Variants in FRMD5 observed in about 807,000 individuals in gnomAD.
The protein encoded by FRMD5 is FERM domain-containing protein 5.
In FRMD5, 20 loss-of-function variants were observed where a neutral mutation model predicts 69.0. That is an observed-to-expected ratio of 0.29 (90% CI 0.20 to 0.42). The LOEUF (loss-of-function observed/expected upper bound fraction) is 0.42. FRMD5 is among the 10% of genes least tolerant of loss of function. The pLI, the probability that FRMD5 is intolerant of heterozygous loss-of-function variation, is 1.00. For synonymous variants in FRMD5, 271 were observed against 260.1 expected, an observed-to-expected ratio of 1.04 and a Z score of -0.40; for missense variants, 595 against 708.6, an observed-to-expected ratio of 0.84 and a Z score of 1.82.
At chr15:43,990,001 T>G in intron 1 of FRMD5, 1 of 957,464 alleles carries the variant, frequency 1.0e-6, no homozygotes, top group South Asian at 1.3e-5. Context: ...GATGCCTCTC[T>G]TGCTCTGGAC....
At chr15:43,874,816 C>G (rs1286555235) in intron 13 of FRMD5, among the ~76,000 whole-genome samples, 1 of 152,006 alleles carries the variant, frequency 6.6e-6, no homozygotes, top group Non-Finnish European at 1.5e-5. Flanking sequence ...AGGAGAATCG[C>G]TTGAACCCGG....
At chr15:44,112,519 T>C (rs894391230) in intron 1 of FRMD5, among the ~76,000 whole-genome samples, 1 of 150,670 alleles carries the variant, frequency 6.6e-6, no homozygotes, top group Non-Finnish European at 1.5e-5. Context: ...CAGGCTGGAG[T>C]GCAGTGGCAC....
chr15:44,152,747 T>A (rs1256714227), intron 1 of FRMD5, among the ~76,000 whole-genome samples: 1 of 152,212 alleles, frequency 6.6e-6, no homozygotes, highest in African/African-American at 2.4e-5. Context: ...CTGGAGATAG[T>A]CTTTTGTGAA....
At chr15:43,876,729 T>C (rs2088369610) in intron 13 of FRMD5, among the ~76,000 whole-genome samples, 6 of 152,240 alleles carry the variant, frequency 3.9e-5, no homozygotes, top group Admixed American at 3.9e-4. Flanking sequence ...AGAAACTCTC[T>C]CTGCTCTTCT....
At chr15:43,960,669 C>T (rs1463165211) in intron 1 of FRMD5, among the ~76,000 whole-genome samples, 3 of 152,204 alleles carry the variant, frequency 2.0e-5, no homozygotes, top group Non-Finnish European at 4.4e-5. Flanking sequence ...CAGGCGTGAG[C>T]CACCGTGCCT....
chr15:44,186,217 G>A (rs1368492803), intron 1 of FRMD5, among the ~76,000 whole-genome samples: 7 of 152,112 alleles, frequency 4.6e-5, no homozygotes, highest in Non-Finnish European at 7.4e-5. Flanking sequence ...GTGAGCCACC[G>A]CACCCGGCCT....
chr15:44,029,452 C>T (rs1362381437), intron 1 of FRMD5, among the ~76,000 whole-genome samples: 1 of 152,208 alleles, frequency 6.6e-6, no homozygotes, highest in Non-Finnish European at 1.5e-5. Flanking sequence ...TTAGCAGCAA[C>T]TTTATTTTAC....
chr15:43,959,257 A>G (rs2140533891), intron 1 of FRMD5, among the ~76,000 whole-genome samples: 1 of 152,378 alleles, frequency 6.6e-6, no homozygotes, highest in Middle Eastern at 3.4e-3. Context: ...TACTGCCAGA[A>G]TGATAAATTT....
At chr15:43,975,969 A>G (rs1452683695) in intron 1 of FRMD5, among the ~76,000 whole-genome samples, 1 of 152,088 alleles carries the variant, frequency 6.6e-6, no homozygotes, top group African/African-American at 2.4e-5. Flanking sequence ...AGACCCACAC[A>G]TGTTCATTTT....
intron 1 of FRMD5, among the ~76,000 whole-genome samples, chr15:43,945,649 T>C (rs1416927339): frequency 6.6e-6 from 1 of 152,148 alleles, no homozygotes; most frequent in Non-Finnish European, 1.5e-5. Context: ...ACTGCATGCA[T>C]CCCACTGTAA....
chr15:44,148,294 C>T (rs1259137842), intron 1 of FRMD5, among the ~76,000 whole-genome samples: 8 of 150,368 alleles, frequency 5.3e-5, no homozygotes, highest in East Asian at 3.9e-4. Flanking sequence ...TTTTTTGAGA[C>T]GGAGTCTCGC....
At chr15:44,094,663 A>ATTTT (rs2076524844) in intron 1 of FRMD5, among the ~76,000 whole-genome samples, 2 of 152,186 alleles carry the variant, frequency 1.3e-5, no homozygotes, top group African/African-American at 4.8e-5. Flanking sequence ...CACACTTAAA[A>ATTTT]GTTTTGTGTC....
intron 1 of FRMD5, among the ~76,000 whole-genome samples, chr15:43,973,400 C>G (rs994997737): frequency 6.7e-6 from 1 of 149,662 alleles, no homozygotes; most frequent in Non-Finnish European, 1.5e-5. Context: ...GAGTCTTGCT[C>G]TATCTCACAG....
intron 1 of FRMD5, among the ~76,000 whole-genome samples, chr15:43,932,178 G>A (rs916301870): frequency 6.6e-6 from 1 of 152,180 alleles, no homozygotes; most frequent in Non-Finnish European, 1.5e-5. Context: ...CTTCCTCCAG[G>A]ATGGATGGAC....
At chr15:44,047,688 C>T (rs1892488760) in intron 1 of FRMD5, among the ~76,000 whole-genome samples, 1 of 152,172 alleles carries the variant, frequency 6.6e-6, no homozygotes, top group African/African-American at 2.4e-5. Flanking sequence ...AAAAGAAACC[C>T]TGTATCCATT....
intron 1 of FRMD5, among the ~76,000 whole-genome samples, chr15:43,971,628 TAA>T (rs753940718): frequency 6.0e-4 from 70 of 117,616 alleles, no homozygotes; most frequent in Admixed American, 8.7e-4. Flanking sequence ...AGGTTGCATC[TAA>T]AAAAAAAAAA....
intron 8 of FRMD5, among the ~76,000 whole-genome samples, chr15:43,891,145 G>C (rs1313845980): frequency 6.6e-6 from 1 of 152,194 alleles, no homozygotes; most frequent in Non-Finnish European, 1.5e-5. Flanking sequence ...GAGCTTAGTA[G>C]AATATGCAAA....
chr15:44,073,284 C>CTGCACACAAAAACATACGTGTATA (rs556032823), intron 1 of FRMD5, among the ~76,000 whole-genome samples: 3,169 of 152,172 alleles, frequency 0.021, 111 homozygotes, highest in African/African-American at 0.072. Context: ...TCCAGACACT[C>CTGCACACAAAAACATACGTGTATA]TGCACACAAA....
chr15:44,011,468 TAGA>T (rs570767487), intron 1 of FRMD5, among the ~76,000 whole-genome samples: 1 of 151,994 alleles, frequency 6.6e-6, no homozygotes, highest in South Asian at 2.1e-4. Context: ...AGGAGAGAAA[TAGA>T]AGAAGGTCGG....
Sources: gnomAD v4.1 joint callset for allele counts (sites outside exome capture counted in the v4.1 genomes callset) on GRCh38, gnomAD v4.1.1 for gene constraint, MANE v1.5 for transcripts, NCBI Gene and HGNC (gene_info 2026-07-23, HGNC 2026-07-21) for gene names.